Variants in CDA observed in about 807,000 individuals in gnomAD.
CDA encodes the protein cytidine aminohydrolase.
A neutral mutation model predicts 15.0 loss-of-function variants in CDA; 7 were observed. That is an observed-to-expected ratio of 0.47 (90% CI 0.26 to 0.87). The LOEUF is 0.87. Ranked by LOEUF, CDA falls within the 40% of genes least tolerant of loss-of-function variation. CDA has a pLI of 0.15. For missense variants in CDA, 159 were observed against 182.7 expected, an observed-to-expected ratio of 0.87 and a Z score of 0.75; for synonymous variants, 58 against 73.0, an observed-to-expected ratio of 0.79 and a Z score of 1.05.
At chr1:20,615,463 T>TC in intron 3 of CDA, among the ~76,000 whole-genome samples, 1 of 53,418 alleles carries the variant, frequency 1.9e-5, no homozygotes, top group East Asian at 3.7e-4. Flanking sequence ...CGAGACCCTG[T>TC]TCTCCACAAA....
At chr1:20,610,152 G>A (rs72650818) in intron 2 of CDA, among the ~76,000 whole-genome samples, 15,809 of 152,032 alleles carry the variant, frequency 0.1, 1,007 homozygotes, top group East Asian at 0.18. Flanking sequence ...TGCACTCCTA[G>A]CACCAATGAC....
At chr1:20,610,042 ATGGT>A (rs3072072) in intron 2 of CDA, among the ~76,000 whole-genome samples, 136,321 of 151,520 alleles carry the variant, frequency 0.9, 61,693 homozygotes, top group Middle Eastern at 0.96. Context: ...CACTTGACGC[ATGGT>A]TGGTTGGTTG....
chr1:20,613,210 T>A (rs1325550409), intron 2 of CDA, among the ~76,000 whole-genome samples: 1 of 151,846 alleles, frequency 6.6e-6, no homozygotes, highest in Non-Finnish European at 1.5e-5. Flanking sequence ...TCTGCAATTT[T>A]TTTTTTTTTT....
intron 1 of CDA, among the ~76,000 whole-genome samples, chr1:20,590,840 TG>T (rs2101172702): frequency 1.3e-5 from 2 of 152,202 alleles, no homozygotes; most frequent in African/African-American, 4.8e-5. Flanking sequence ...GGAAGAGGGA[TG>T]GTGGGGCAGG....
intron 2 of CDA, among the ~76,000 whole-genome samples, chr1:20,612,942 C>CAAAAAAA (rs35637551): frequency 1.2e-5 from 1 of 84,970 alleles, no homozygotes; most frequent in African/African-American, 4.6e-5. Context: ...GACTCCATCT[C>CAAAAAAA]AAAAAAAAAA....
In CDA at chr1:20,613,815, T is replaced by C. The variant is rs753020192; in HGVS notation, c.267-27T>C. ...GTCCTCAGTCCTTGGGAGAGACTAA[T>C]TTGAGTTTGATTCTTTGCTTCCCCA... On this transcript the variant is annotated intron_variant, in intron 2 of 3. Transcript: ENST00000375071. 5 of 1,609,248 alleles carry C rather than the reference T, an allele frequency of 3.1e-6. No individual in the cohort carries two copies. The African/African-American group carries it at 6.7e-5, about 21-fold the overall frequency.
chr1:20,602,698 G>C (rs1367742129), intron 1 of CDA, among the ~76,000 whole-genome samples: 1 of 147,190 alleles, frequency 6.8e-6, no homozygotes, highest in East Asian at 1.9e-4. Context: ...GGGATTATAG[G>C]CTTGAGCCAC....
intron 2 of CDA, among the ~76,000 whole-genome samples, chr1:20,610,261 C>CTTTTTTTTTTTTTTTTTT (rs760754305): frequency 3.2e-5 from 2 of 62,968 alleles, no homozygotes; most frequent in Admixed American, 4.5e-4. Flanking sequence ...CACACATTAT[C>CTTTTTTTTTTTTTTTTTT]TTTTTTTTTT....
chr1:20,605,638 C>T lies in CDA; in HGVS notation c.266+599C>T, dbSNP rs373223636. Among the ~76,000 whole-genome samples the T allele has an allele frequency of 1.6e-4, 19 of 116,110 alleles. 4 individuals carry two copies. Among genetic ancestry groups the T allele is most frequent in the East Asian group, 1.0e-3 (4 of 3,966 alleles). 76.2% of individuals were successfully genotyped at this position (116,110 alleles called of 152,430 possible). A position where few individuals can be genotyped will look rare whatever the true frequency, so the allele number is the denominator to read the frequency against. ...TGGCGCCACTGCACTCCAGCCTGGGCGACAGAGCAAGACTCCGTCTCAAAA... is the reference window on the plus strand; with the variant it reads ...TGGCGCCACTGCACTCCAGCCTGGGTGACAGAGCAAGACTCCGTCTCAAAA... On this transcript the variant is annotated intron_variant, in intron 2 of 3. Coordinates refer to ENST00000375071, the MANE Select transcript of CDA (RefSeq NM_001785.3).
intron 1 of CDA, among the ~76,000 whole-genome samples, chr1:20,599,734 G>T (rs567963206): frequency 6.6e-6 from 1 of 152,086 alleles, no homozygotes; most frequent in South Asian, 2.1e-4. Context: ...TGTTGAGAAG[G>T]TGCAGAGGGT....
At chr1:20,616,993 T>A (rs939311673) in intron 3 of CDA, among the ~76,000 whole-genome samples, 1 of 152,170 alleles carries the variant, frequency 6.6e-6, no homozygotes, top group Non-Finnish European at 1.5e-5. Context: ...GAACACCTAC[T>A]ATGTGCATAG....
intron 1 of CDA, among the ~76,000 whole-genome samples, chr1:20,598,188 G>T (rs2101180077): frequency 6.6e-6 from 1 of 152,296 alleles, no homozygotes; most frequent in African/African-American, 2.4e-5. Flanking sequence ...GTTGGGAGGT[G>T]GGACCTAATA....
chr1:20,611,535 C>G (rs940335514), intron 2 of CDA, among the ~76,000 whole-genome samples: 4 of 152,178 alleles, frequency 2.6e-5, no homozygotes, highest in Non-Finnish European at 5.9e-5. Context: ...TGTGCACCAC[C>G]ACACCCAGCT....
At chr1:20,604,734 G>A (rs2052677477) in intron 1 of CDA, among the ~76,000 whole-genome samples, 194 bp from the exon 2 acceptor site, 1 of 152,154 alleles carries the variant, frequency 6.6e-6, no homozygotes, top group South Asian at 2.1e-4. Context: ...AGGTTCTTGG[G>A]AAGGGCCACT....
intron 3 of CDA, among the ~76,000 whole-genome samples, chr1:20,616,379 G>A (rs769670473): frequency 6.6e-6 from 1 of 152,186 alleles, no homozygotes; most frequent in East Asian, 1.9e-4. Context: ...GGGTTTCAAA[G>A]CATCTGGGGA....
chr1:20,597,618 C>T (rs1413531102), intron 1 of CDA, among the ~76,000 whole-genome samples: 1 of 152,190 alleles, frequency 6.6e-6, no homozygotes, highest in African/African-American at 2.4e-5. Context: ...GAGTGCCTGG[C>T]CTATGAGTGC....
rs1195136238 is a variant in CDA at position 20,595,842 on chromosome 1, C to CAAA, written c.154+6577_154+6579dup. On this transcript the variant is annotated intron_variant, in intron 1 of 3. Coordinates refer to ENST00000375071, the MANE Select transcript of CDA (RefSeq NM_001785.3). Reference sequence around the variant, plus strand: ...CCCGGGCAACAGAGCAAGACTCTCTCAAAAAAAAAAAAAAAAAAAAGGCCA... The same window carrying CAAA: ...CCCGGGCAACAGAGCAAGACTCTCTCAAAAAAAAAAAAAAAAAAAAAAAGGCCA... Among the ~76,000 whole-genome samples the CAAA allele has an allele frequency of 1.8e-3, 129 of 72,992 alleles. 3 individuals are homozygous for CAAA. The highest frequency in any genetic ancestry group is 7.4e-3 in the Middle Eastern group (1 of 136). 47.9% of individuals were successfully genotyped at this position (72,992 alleles called of 152,430 possible). A position where few individuals can be genotyped will look rare whatever the true frequency, so the allele number is the denominator to read the frequency against.
intron 1 of CDA, 29 bp from the exon 2 acceptor site, chr1:20,604,899 C>A: frequency 7.0e-7 from 1 of 1,424,344 alleles, no homozygotes; most frequent in Non-Finnish European, 9.9e-7. Context: ...CTCTGCCAGA[C>A]ATACCACTGG....
chr1:20,594,999 T>A (rs2052580724), intron 1 of CDA, among the ~76,000 whole-genome samples: 1 of 151,874 alleles, frequency 6.6e-6, no homozygotes. Flanking sequence ...GGAGTATGCA[T>A]CTGGCGATGA....
Sources: allele counts gnomAD v4.1 joint callset (sites outside exome capture counted in the v4.1 genomes callset), GRCh38; gene constraint gnomAD v4.1.1; transcripts MANE v1.5; gene names NCBI Gene and HGNC (gene_info 2026-07-23, HGNC 2026-07-21).